Variants in PCDH11X observed in about 807,000 individuals in gnomAD.
The protein encoded by PCDH11X is protocadherin 11 X-linked.
PCDH11X carries 18 observed loss-of-function variants against 53.3 expected under a neutral mutation model. The observed-to-expected ratio is 0.34, with a 90% CI of 0.23 to 0.50. The LOEUF (loss-of-function observed/expected upper bound fraction) is 0.50, where lower values mean the gene tolerates loss of function less well. Ranked by LOEUF, PCDH11X falls within the 20% of genes least tolerant of loss-of-function variation. The pLI is 0.98. For synonymous variants in PCDH11X, 279 were observed against 393.3 expected (o/e 0.71, Z 3.44); for missense variants, 570 against 1,032.4 (o/e 0.55, Z 6.14).
At chrX:91,908,881 A>G (rs1364071398) in intron 6 of PCDH11X, among the ~76,000 whole-genome samples, 2 of 108,102 alleles carry the variant, frequency 1.9e-5, no homozygotes, top group East Asian at 5.9e-4. Flanking sequence ...TATACTATTC[A>G]TGGGAGTATA....
At chrX:92,085,420 CCT>C (rs1194652145) in intron 6 of PCDH11X, among the ~76,000 whole-genome samples, 2 of 107,412 alleles carry the variant, frequency 1.9e-5, no homozygotes, top group Admixed American at 1.0e-4. Context: ...TAAACCTCCC[CCT>C]GTTTGACTCT....
intron 6 of PCDH11X, among the ~76,000 whole-genome samples, chrX:91,939,086 A>C (rs934062496): frequency 4.5e-5 from 5 of 110,957 alleles, no homozygotes; most frequent in Non-Finnish European, 9.5e-5. Flanking sequence ...ATATAATAGC[A>C]TCTTAAAATG....
chrX:92,387,978 T>C, intron 9 of PCDH11X, 45 bp downstream of exon 9: 2 of 1,183,219 alleles, frequency 1.7e-6, no homozygotes, highest in Non-Finnish European at 1.1e-6. Flanking sequence ...GGGCTTACTG[T>C]GTTTGCAACT....
At chrX:91,939,451 A>C (rs975475103) in intron 6 of PCDH11X, among the ~76,000 whole-genome samples, 4 of 110,448 alleles carry the variant, frequency 3.6e-5, no homozygotes, top group Non-Finnish European at 7.6e-5. Flanking sequence ...AATGGCAAAA[A>C]TTTTCCAAAT....
chrX:92,061,683 T>A (rs957569978), intron 6 of PCDH11X, among the ~76,000 whole-genome samples: 2 of 110,291 alleles, frequency 1.8e-5, no homozygotes, highest in Non-Finnish European at 3.8e-5. Context: ...AGTACCATGA[T>A]GTTTTAGTTA....
intron 9 of PCDH11X, among the ~76,000 whole-genome samples, chrX:92,440,078 T>C (rs1329158473): frequency 3.1e-5 from 3 of 97,921 alleles, no homozygotes; most frequent in African/African-American, 1.1e-4. Context: ...TTGTTTTTAG[T>C]GCTGAATAAT....
intron 6 of PCDH11X, among the ~76,000 whole-genome samples, chrX:92,045,538 G>A (rs1019114153): frequency 2.7e-5 from 3 of 109,321 alleles, no homozygotes; most frequent in East Asian, 2.9e-4. Flanking sequence ...TTGGGTTAAT[G>A]TATGAAACAG....
chrX:91,900,899 G>A (rs925763377), intron 6 of PCDH11X, among the ~76,000 whole-genome samples: 6 of 111,644 alleles, frequency 5.4e-5, no homozygotes, highest in Non-Finnish European at 1.1e-4. Flanking sequence ...TCAGTGGCAA[G>A]TAAGGCGATT....
intron 10 of PCDH11X, among the ~76,000 whole-genome samples, chrX:92,592,817 G>A (rs2750633): frequency 2.7e-5 from 3 of 111,986 alleles, no homozygotes; most frequent in Non-Finnish European, 3.8e-5. Context: ...AGGATTTTTC[G>A]TTGGAGAGCT....
chrX:92,392,210 C>A (rs1459231546), intron 9 of PCDH11X, among the ~76,000 whole-genome samples: 4 of 110,933 alleles, frequency 3.6e-5, no homozygotes, highest in Non-Finnish European at 5.7e-5. Context: ...ATACCATAGT[C>A]ATTTCTGTGA....
At chrX:92,451,897 A>G (rs1004867269) in intron 9 of PCDH11X, among the ~76,000 whole-genome samples, 3 of 109,893 alleles carry the variant, frequency 2.7e-5, no homozygotes, top group Non-Finnish European at 5.7e-5. Context: ...CAGGAGGGTG[A>G]CTGGTAATGA....
At chrX:92,230,339 A>C (rs761869028) in intron 7 of PCDH11X, among the ~76,000 whole-genome samples, 1 of 100,452 alleles carries the variant, frequency 1.0e-5, no homozygotes, top group Non-Finnish European at 2.0e-5. Flanking sequence ...GTCCTCTGGA[A>C]CTCAGATTGT....
intron 10 of PCDH11X, among the ~76,000 whole-genome samples, chrX:92,547,541 C>G (rs774152801): frequency 4.6e-5 from 5 of 109,449 alleles, no homozygotes; most frequent in African/African-American, 1.7e-4. Context: ...CTCCCTCGCT[C>G]TCCCTTCTTC....
chrX:92,435,072 G>A (rs1211294595), intron 9 of PCDH11X, among the ~76,000 whole-genome samples: 4 of 110,757 alleles, frequency 3.6e-5, no homozygotes, highest in Admixed American at 1.9e-4. Flanking sequence ...TGAGATTCAG[G>A]AGAATGGCAA....
At chrX:92,036,943 A>G (rs2063135285) in intron 6 of PCDH11X, among the ~76,000 whole-genome samples, 1 of 111,912 alleles carries the variant, frequency 8.9e-6, no homozygotes, top group Non-Finnish European at 1.9e-5. Flanking sequence ...ATGTTTTAGC[A>G]AGGGGACTGG....
At chrX:92,370,959 G>C (rs2070607981) in intron 8 of PCDH11X, among the ~76,000 whole-genome samples, 1 of 111,742 alleles carries the variant, frequency 8.9e-6, no homozygotes, top group Non-Finnish European at 1.9e-5. Context: ...AATACATATT[G>C]TCCTTTTTTG....
At chrX:92,610,828 C>A (rs1927288675) in intron 10 of PCDH11X, among the ~76,000 whole-genome samples, 1 of 110,849 alleles carries the variant, frequency 9.0e-6, no homozygotes, top group Non-Finnish European at 1.9e-5. Flanking sequence ...GTCAACTGTC[C>A]CAGCACAATT....
chrX:92,419,037 T>C (rs1027354948), intron 9 of PCDH11X, among the ~76,000 whole-genome samples: 1 of 102,522 alleles, frequency 9.8e-6, no homozygotes, highest in African/African-American at 3.4e-5. Flanking sequence ...TTTTTTTTTT[T>C]CATGTATTTC....
At chrX:92,614,375 G>T (rs757326986) in intron 10 of PCDH11X, among the ~76,000 whole-genome samples, 1 of 104,261 alleles carries the variant, frequency 9.6e-6, no homozygotes, top group East Asian at 3.0e-4. Flanking sequence ...TCCCTACAGG[G>T]TGTGACTGTA....
Sources: gnomAD v4.1 joint callset for allele counts (sites outside exome capture counted in the v4.1 genomes callset) on GRCh38, gnomAD v4.1.1 for gene constraint, MANE v1.5 for transcripts, NCBI Gene and HGNC (gene_info 2026-07-23, HGNC 2026-07-21) for gene names.